SLC39A11: variants seen among roughly 807,000 people sequenced by gnomAD.
SLC39A11 encodes solute carrier family 39 member 11.
A neutral mutation model predicts 36.1 loss-of-function variants in SLC39A11; 33 were observed. The ratio of observed to expected loss-of-function variants is 0.91; its 90% CI spans 0.69 to 1.22. The LOEUF (loss-of-function observed/expected upper bound fraction) is 1.22. Among genes scored for constraint, SLC39A11 ranks in the 50% most tolerant of loss-of-function variants. SLC39A11 has a pLI of 0.00. For missense variants in SLC39A11, 432 were observed against 430.3 expected (o/e 1.00, Z -0.03); for synonymous variants, 166 against 170.3 (o/e 0.97, Z 0.20).
At chr17:72,736,521 C>T (rs1226723134) in intron 7 of SLC39A11, 129 bp downstream of exon 7, 21 of 754,180 alleles carry the variant, frequency 2.8e-5, no homozygotes, top group Non-Finnish European at 4.2e-5. Flanking sequence ...ATGTGGCCTC[C>T]ATCAGTCTTG....
chr17:72,914,319 GGAAAAAAAAAA>G (rs1370123053), intron 5 of SLC39A11, among the ~76,000 whole-genome samples: 1 of 146,660 alleles, frequency 6.8e-6, no homozygotes, highest in Admixed American at 6.8e-5. Context: ...CCATCTCGGG[GGAAAAAAAAAA>G]GAAAAAAGAA....
intron 4 of SLC39A11, among the ~76,000 whole-genome samples, chr17:72,978,013 C>T (rs146498266): frequency 2.6e-3 from 398 of 152,340 alleles, no homozygotes; most frequent in African/African-American, 9.1e-3. Context: ...TGTCAGTCTC[C>T]GAGCAAGCTT....
At chr17:73,075,877 A>G (rs1358257353) in intron 3 of SLC39A11, among the ~76,000 whole-genome samples, 1 of 152,168 alleles carries the variant, frequency 6.6e-6, no homozygotes, top group African/African-American at 2.4e-5. Flanking sequence ...TCTGCTCACC[A>G]TGTGATACTG....
intron 7 of SLC39A11, among the ~76,000 whole-genome samples, chr17:72,687,621 G>A (rs1365482119): frequency 6.6e-6 from 1 of 152,172 alleles, no homozygotes; most frequent in African/African-American, 2.4e-5. Flanking sequence ...TCTGTGGGAG[G>A]CTGTTTGAAA....
intron 3 of SLC39A11, among the ~76,000 whole-genome samples, chr17:73,046,205 G>A (rs1459143257): frequency 6.6e-6 from 1 of 152,184 alleles, no homozygotes; most frequent in Non-Finnish European, 1.5e-5. Flanking sequence ...GCTCAAACGA[G>A]CCATGAGGCT....
intron 6 of SLC39A11, among the ~76,000 whole-genome samples, chr17:72,795,983 G>T (rs1371676643): frequency 6.6e-6 from 1 of 152,128 alleles, no homozygotes; most frequent in African/African-American, 2.4e-5. Context: ...AGAAGAAATA[G>T]TATATAGAAA....
chr17:72,950,168 C>T (rs761649166), intron 4 of SLC39A11, among the ~76,000 whole-genome samples: 1 of 152,186 alleles, frequency 6.6e-6, no homozygotes, highest in Non-Finnish European at 1.5e-5. Flanking sequence ...CACTTATTTG[C>T]GATGTCCTCT....
chr17:72,911,381 C>T (rs2082985937), intron 5 of SLC39A11, among the ~76,000 whole-genome samples: 2 of 151,606 alleles, frequency 1.3e-5, no homozygotes, highest in East Asian at 1.9e-4. Flanking sequence ...CAAACCTGCA[C>T]GTTGTGCACA....
intron 4 of SLC39A11, among the ~76,000 whole-genome samples, chr17:72,965,542 C>G (rs2086907478): frequency 6.6e-6 from 1 of 152,104 alleles, no homozygotes; most frequent in South Asian, 2.1e-4. Flanking sequence ...ATGATTTTGC[C>G]CAACTGCAGG....
Position 72,842,106 on chromosome 17 carries a change from G to A in SLC39A11, c.601+7528C>T, listed in dbSNP as rs975392518. 6.6e-5 allele frequency among the ~76,000 whole-genome samples: 10 copies of A among 151,602 alleles called. No individual in the cohort carries two copies. In the South Asian group the frequency reaches 8.4e-4, roughly 13 times the overall value. On this transcript the variant is annotated intron_variant, in intron 6 of 9. Coordinates refer to ENST00000255559, the MANE Select transcript of SLC39A11 (RefSeq NM_139177.4). ...TGTGTGTGTGTGTGTGTGTGTGCACGCACGCGCATATGTATTTCATGGCCC... is the reference window on the plus strand; with the variant it reads ...TGTGTGTGTGTGTGTGTGTGTGCACACACGCGCATATGTATTTCATGGCCC...
chr17:72,757,279 C>T (rs1280331297), intron 6 of SLC39A11, among the ~76,000 whole-genome samples: 1 of 152,010 alleles, frequency 6.6e-6, no homozygotes, highest in African/African-American at 2.4e-5. Context: ...CAGGTAAGAC[C>T]CGATTCAAGT....
At chr17:72,985,901 G>T (rs1238598257) in intron 4 of SLC39A11, among the ~76,000 whole-genome samples, 4 of 152,158 alleles carry the variant, frequency 2.6e-5, no homozygotes, top group Non-Finnish European at 4.4e-5. Flanking sequence ...AATTCAATAT[G>T]ATTTTTTCCT....
At chr17:72,914,280 T>C (rs62069574) in intron 5 of SLC39A11, among the ~76,000 whole-genome samples, 21,379 of 146,910 alleles carry the variant, frequency 0.15, 1,843 homozygotes, top group Non-Finnish European at 0.2. Context: ...CGTGCCACTA[T>C]ACTCCAGCCT....
chr17:72,962,531 G>A (rs2086680446), intron 4 of SLC39A11, among the ~76,000 whole-genome samples: 2 of 151,986 alleles, frequency 1.3e-5, no homozygotes, highest in South Asian at 4.2e-4. Context: ...GGTTTTGGGG[G>A]TTTTTTGCTA....
intron 6 of SLC39A11, among the ~76,000 whole-genome samples, chr17:72,829,192 A>T (rs2078161942): frequency 6.6e-6 from 1 of 152,040 alleles, no homozygotes; most frequent in African/African-American, 2.4e-5. Flanking sequence ...TCTCCACACA[A>T]CAAATGAATG....
chr17:72,826,682 C>G (rs2078042783), intron 6 of SLC39A11, among the ~76,000 whole-genome samples: 3 of 152,086 alleles, frequency 2.0e-5, no homozygotes, highest in Admixed American at 6.6e-5. Flanking sequence ...GCGATCGTAA[C>G]CCCCAAAGTA....
intron 6 of SLC39A11, among the ~76,000 whole-genome samples, chr17:72,784,324 AAGAG>A (rs1043089478): frequency 2.0e-5 from 3 of 152,202 alleles, no homozygotes; most frequent in Non-Finnish European, 4.4e-5. Context: ...CAGCCTGGGC[AAGAG>A]AGAGAGACTC....
chr17:72,707,121 C>T (rs746266542), intron 7 of SLC39A11, among the ~76,000 whole-genome samples: 12 of 152,136 alleles, frequency 7.9e-5, no homozygotes, highest in South Asian at 2.1e-4. Flanking sequence ...TTTGCTAGGC[C>T]GGGCATCATG....
intron 4 of SLC39A11, among the ~76,000 whole-genome samples, chr17:72,959,087 C>G (rs2086429519): frequency 6.6e-6 from 1 of 151,702 alleles, no homozygotes. Flanking sequence ...ACTAGTACAA[C>G]TACTATGGAA....
Sources: allele counts gnomAD v4.1 joint callset (sites outside exome capture counted in the v4.1 genomes callset), GRCh38; gene constraint gnomAD v4.1.1; transcripts MANE v1.5; gene names NCBI Gene and HGNC (gene_info 2026-07-23, HGNC 2026-07-21).